MICU1: variants seen among roughly 807,000 people sequenced by gnomAD.
MICU1 encodes calcium uptake protein 1, mitochondrial.
In MICU1, 45 loss-of-function variants were observed where a neutral mutation model predicts 56.8. That is an observed-to-expected ratio of 0.79 (90% CI 0.62 to 1.02). The LOEUF (loss-of-function observed/expected upper bound fraction) is 1.02, where lower values mean the gene tolerates loss of function less well. Ranked by LOEUF, MICU1 falls within the 50% of genes least tolerant of loss-of-function variation. MICU1 has a pLI of 0.00. For synonymous variants in MICU1, 186 were observed against 195.1 expected (o/e 0.95, Z 0.39); for missense variants, 504 against 587.1 (o/e 0.86, Z 1.46).
rs564605190 is a variant in MICU1 at position 72,457,751 on chromosome 10, T to C, written c.933+17349A>G. On this transcript the variant is annotated intron_variant, in intron 8 of 11. Transcript: ENST00000361114. ...ACAGAGAGAGAGACAGAGAGAGAGA[T>C]AGTCACCACCACCACAACAAAAAAA... Among the ~76,000 whole-genome samples, 14 of 151,438 alleles carry C rather than the reference T, an allele frequency of 9.2e-5. No homozygotes were observed. In the South Asian group the frequency reaches 1.3e-3, roughly 14 times the overall value.
chr10:72,372,790 C>A (rs1049442975), intron 11 of MICU1, among the ~76,000 whole-genome samples: 3 of 151,616 alleles, frequency 2.0e-5, no homozygotes, highest in African/African-American at 7.3e-5. Context: ...TGCAGTGAGC[C>A]GAGATCATGC....
At chr10:72,504,837 C>T (rs1273423254) in intron 6 of MICU1, among the ~76,000 whole-genome samples, 1 of 151,976 alleles carries the variant, frequency 6.6e-6, no homozygotes, top group African/African-American at 2.4e-5. Context: ...AGATCCTTCT[C>T]AAAAGAAGAC....
intron 1 of MICU1, among the ~76,000 whole-genome samples, chr10:72,624,217 CAG>C (rs989696468): frequency 2.0e-5 from 3 of 152,112 alleles, no homozygotes; most frequent in African/African-American, 7.2e-5. Context: ...TTTTAAGAGA[CAG>C]GGTATCGCTC....
intron 1 of MICU1, among the ~76,000 whole-genome samples, chr10:72,575,726 G>A (rs772138871): frequency 2.6e-5 from 4 of 152,118 alleles, no homozygotes; most frequent in South Asian, 2.1e-4. Flanking sequence ...GATGGCAAAC[G>A]TAATTGGTAA....
chr10:72,470,076 A>G (rs1865904946), intron 8 of MICU1, among the ~76,000 whole-genome samples: 1 of 152,308 alleles, frequency 6.6e-6, no homozygotes, highest in Middle Eastern at 3.4e-3. Context: ...ATGGGACACA[A>G]TTCATCCCAC....
chr10:72,442,675 A>C (rs1017749171), intron 8 of MICU1, among the ~76,000 whole-genome samples: 18 of 152,170 alleles, frequency 1.2e-4, no homozygotes, highest in Admixed American at 2.0e-4. Context: ...GATTTTTCCA[A>C]AACATATTAA....
rs553281925 is a variant in MICU1, at chr10:72,527,433, G to A, written c.537+6313C>T. Among the ~76,000 whole-genome samples, 3 of 152,002 alleles carry A rather than the reference G, an allele frequency of 2.0e-5. No homozygotes were observed. In the East Asian group the frequency reaches 5.8e-4, roughly 29 times the overall value. ...GTCGCCCAGGCTGAAGTGCAGTAGTGCAATCTGCAGCCTCTCCCTGCTGGG... is the reference window on the plus strand; with the variant it reads ...GTCGCCCAGGCTGAAGTGCAGTAGTACAATCTGCAGCCTCTCCCTGCTGGG... On this transcript the variant is annotated intron_variant, in intron 5 of 11. Coordinates refer to ENST00000361114, the MANE Select transcript of MICU1 (RefSeq NM_001195518.2).
intron 6 of MICU1, among the ~76,000 whole-genome samples, chr10:72,483,017 G>A (rs1483386453): frequency 6.6e-6 from 1 of 151,754 alleles, no homozygotes; most frequent in Non-Finnish European, 1.5e-5. Context: ...CACCATGCCT[G>A]GCTAATTTTT....
At chr10:72,573,161 C>T (rs572815119) in intron 1 of MICU1, among the ~76,000 whole-genome samples, 11 of 151,752 alleles carry the variant, frequency 7.2e-5, no homozygotes, top group Non-Finnish European at 1.5e-4. Context: ...GAAAAAAGTT[C>T]ATAGTGTTAT....
chr10:72,566,039 CTTTT>C (rs11376019), intron 2 of MICU1, among the ~76,000 whole-genome samples: 4 of 69,838 alleles, frequency 5.7e-5, no homozygotes, highest in South Asian at 6.1e-4. Context: ...CATTCATTTT[CTTTT>C]TTTTTTTTTT....
intron 5 of MICU1, among the ~76,000 whole-genome samples, chr10:72,519,981 A>C (rs1188386344): frequency 1.3e-5 from 2 of 152,162 alleles, no homozygotes; most frequent in African/African-American, 4.8e-5. Context: ...ATGGGGATGA[A>C]ATCCTTGGGT....
intron 5 of MICU1, among the ~76,000 whole-genome samples, chr10:72,514,801 T>G (rs186558958): frequency 1.3e-5 from 2 of 152,302 alleles, no homozygotes; most frequent in African/African-American, 4.8e-5. Context: ...CTTCTAAGGT[T>G]TCTTCTGAAC....
intron 10 of MICU1, among the ~76,000 whole-genome samples, chr10:72,399,656 A>C (rs1188998920): frequency 6.6e-6 from 1 of 151,904 alleles, no homozygotes; most frequent in East Asian, 1.9e-4. Context: ...AAAAAATAAA[A>C]AATAAAAAAT....
rs1393436881 is a variant in MICU1 at position 72,448,173 on chromosome 10, G to GTGTGTGTGTA, written c.934-24803_934-24802insTACACACACA. ...TGTCTGTGTGTGTGTATATGTGTGT[G>GTGTGTGTGTA]TATATATATATATATATATATTTTT... is the stretch of plus-strand genomic sequence containing the variant. On this transcript the variant is annotated intron_variant, in intron 8 of 11. Coordinates refer to ENST00000361114, the MANE Select transcript of MICU1 (RefSeq NM_001195518.2). Among the ~76,000 whole-genome samples, 137 of 77,176 alleles carry GTGTGTGTGTA rather than the reference G, an allele frequency of 1.8e-3. 7 individuals are homozygous for GTGTGTGTGTA. Among genetic ancestry groups the GTGTGTGTGTA allele is most frequent in the African/African-American group, 6.4e-3 (133 of 20,720 alleles). 50.6% of individuals were successfully genotyped at this position (77,176 alleles called of 152,430 possible).
At chr10:72,444,609 C>G (rs377232602) in intron 8 of MICU1, among the ~76,000 whole-genome samples, 6 of 152,148 alleles carry the variant, frequency 3.9e-5, no homozygotes, top group Admixed American at 1.3e-4. Context: ...ACCACCACAC[C>G]TGGCTAATTT....
intron 1 of MICU1, among the ~76,000 whole-genome samples, chr10:72,601,722 T>G (rs1841541121): frequency 6.6e-6 from 1 of 151,962 alleles, no homozygotes; most frequent in Non-Finnish European, 1.5e-5. Flanking sequence ...TATGCTCAAA[T>G]TTGATGAAGA....
intron 8 of MICU1, among the ~76,000 whole-genome samples, chr10:72,427,145 C>G (rs1311554060): frequency 2.0e-5 from 3 of 152,188 alleles, no homozygotes; most frequent in Non-Finnish European, 2.9e-5. Context: ...GCTTAACAGC[C>G]TCACATTTCC....
At chr10:72,573,333 A>AC (rs1840662199) in intron 1 of MICU1, among the ~76,000 whole-genome samples, 3 of 148,782 alleles carry the variant, frequency 2.0e-5, no homozygotes, top group Non-Finnish European at 1.5e-5. Context: ...AAAAAAAAAA[A>AC]AACTAAGGCA....
intron 6 of MICU1, among the ~76,000 whole-genome samples, chr10:72,480,353 T>C (rs1479556262): frequency 6.6e-6 from 1 of 152,228 alleles, no homozygotes; most frequent in Non-Finnish European, 1.5e-5. Context: ...CGGGATCTGC[T>C]AAATTTAAGG....
Sources: allele counts gnomAD v4.1 joint callset (sites outside exome capture counted in the v4.1 genomes callset), GRCh38; gene constraint gnomAD v4.1.1; transcripts MANE v1.5; gene names NCBI Gene and HGNC (gene_info 2026-07-23, HGNC 2026-07-21).